The following ST3GAL4 variants were observed in gnomAD, a reference collection of about 807,000 sequenced individuals.
The protein encoded by ST3GAL4 is ST3 beta-galactoside alpha-2,3-sialyltransferase 4.
ST3GAL4 carries 24 observed loss-of-function variants against 42.6 expected under a neutral mutation model. That is an observed-to-expected ratio of 0.56 (90% CI 0.41 to 0.79). The LOEUF is 0.79. Among genes scored for constraint, ST3GAL4 ranks in the 30% least tolerant of loss-of-function variants. The probability of loss-of-function intolerance (pLI) is 0.00; values close to 1 mark genes in which losing one functional copy is unlikely to be tolerated. For synonymous variants in ST3GAL4, 135 were observed against 163.2 expected (o/e 0.83, Z 1.32); for missense variants, 311 against 430.8 (o/e 0.72, Z 2.46).
In ST3GAL4 at chr11:126,407,700, C is replaced by A. The variant is rs1954311284; in HGVS notation, c.341+66C>A. ...ATTTCCTGCCCCCTGCCCGCTCCCCCCACTCCCCACCCCCCCGCTCTGTGA... is the reference window on the plus strand; with the variant it reads ...ATTTCCTGCCCCCTGCCCGCTCCCCACACTCCCCACCCCCCCGCTCTGTGA... On this transcript the variant is annotated intron_variant, in intron 6 of 10. Transcript: ENST00000444328. 4 of 1,459,084 alleles carry A rather than the reference C, an allele frequency of 2.7e-6. No individual in the cohort carries two copies. In the East Asian group the frequency reaches 9.4e-5, roughly 34 times the overall value. The allele number at this position is 1,459,084 out of a possible 1,614,324, so 90.4% of individuals were successfully genotyped here.
Position 126,365,907 on chromosome 11 carries a change from C to T in ST3GAL4, c.-61+10065C>T, listed in dbSNP as rs541254757. On this transcript the variant is annotated intron_variant, in intron 1 of 10. Coordinates refer to ENST00000444328, the MANE Select transcript of ST3GAL4 (RefSeq NM_001254757.2). ...GGGGCAGCAGGCTCTGCAGTACCCT[C>T]GGCCAAATGGCCACAGGCTGCCCTG... is the stretch of plus-strand genomic sequence containing the variant. 2.1e-4 allele frequency among the ~76,000 whole-genome samples: 32 copies of T among 152,272 alleles called. 1 individual carries two copies. In the South Asian group the frequency reaches 3.9e-3, roughly 19 times the overall value.
Position 126,408,313 on chromosome 11 carries a change from C to T in ST3GAL4, c.444C>T (p.Asn148=). The T allele has an allele frequency of 6.2e-7, 1 of 1,614,084 alleles. No homozygotes were observed. The highest frequency in any genetic ancestry group is 8.5e-7 in the Non-Finnish European group (1 of 1,179,954). ...TCCTCCTCCCAACCCCCAGATTGAA[C>T]AATGCCCCAGTGGCTGGCTATGAGG... ...INKYDVVIRL[N]NAPVAGYEGD... Residue 148 remains asparagine, a synonymous_variant, in exon 8 of 11, where the codon AAC becomes AAT. Coordinates refer to ENST00000444328, the MANE Select transcript of ST3GAL4 (RefSeq NM_001254757.2).
chr11:126,395,496 G>C (rs1953709500), intron 1 of ST3GAL4, among the ~76,000 whole-genome samples: 1 of 152,144 alleles, frequency 6.6e-6, no homozygotes, highest in Non-Finnish European at 1.5e-5. Flanking sequence ...GACCTGGTGA[G>C]GCTGGTGTGG....
At chr11:126,402,855 C>T (rs886793539) in intron 1 of ST3GAL4, among the ~76,000 whole-genome samples, 2 of 152,230 alleles carry the variant, frequency 1.3e-5, no homozygotes, top group African/African-American at 4.8e-5. Context: ...ATCTTGGTTC[C>T]TGGCAGAGCA....
chr11:126,401,557 GAAA>G (rs751880802), intron 1 of ST3GAL4, among the ~76,000 whole-genome samples: 1 of 123,874 alleles, frequency 8.1e-6, no homozygotes, highest in South Asian at 2.5e-4. Flanking sequence ...CTCCCTCTCA[GAAA>G]AAAAAAAAGA....
rs1379476775 is a variant in ST3GAL4 at position 126,383,160 on chromosome 11, C to A, written c.-60-22936C>A. 6.6e-6 allele frequency among the ~76,000 whole-genome samples: 1 copy of A among 152,214 alleles called. No homozygotes were observed. The highest frequency in any genetic ancestry group is 2.1e-4 in the South Asian group (1 of 4,836). ...ACTCTCCAGGCCTGCTGGGGACACA[C>A]CTGTGGGGCTCATAGGCGTGGCTGG... is the stretch of plus-strand genomic sequence containing the variant. On this transcript the variant is annotated intron_variant, in intron 1 of 10. Transcript: ENST00000444328. The surrounding 1 kb of genome is among the most constrained non-coding windows in gnomAD (Gnocchi z 4.5).
chr11:126,365,889 C>T (rs1240493899), intron 1 of ST3GAL4, among the ~76,000 whole-genome samples: 1 of 152,166 alleles, frequency 6.6e-6, no homozygotes, highest in African/African-American at 2.4e-5. Context: ...CATGGGGCAG[C>T]AGGCTCTGCA....
rs780341196 is a variant in ST3GAL4 at position 126,406,185 on chromosome 11, G to A, written c.16+14G>A. On this transcript the variant is annotated intron_variant, in intron 2 of 10. Transcript: ENST00000444328. The surrounding 1 kb of genome is among the most constrained non-coding windows in gnomAD (Gnocchi z 5.4). ...TCAGCAAGTCCCGTGAGTGTCATCCGAGGGCTCCCCCACCCTGGAGGACAG... is the reference window on the plus strand; with the variant it reads ...TCAGCAAGTCCCGTGAGTGTCATCCAAGGGCTCCCCCACCCTGGAGGACAG... 1.9e-5 allele frequency: 29 copies of A among 1,557,306 alleles called. No homozygotes were observed. Among genetic ancestry groups the A allele is most frequent in the Admixed American group, 7.7e-5 (4 of 51,978 alleles).
At chr11:126,408,638 G>A (rs1363853712) in intron 8 of ST3GAL4, 142 bp downstream of exon 8, 12 of 954,262 alleles carry the variant, frequency 1.3e-5, no homozygotes, top group Non-Finnish European at 1.7e-5. Context: ...GGAAGTCAGC[G>A]CCTTAGGCTG....
At chr11:126,385,274 C>T (rs930355030) in intron 1 of ST3GAL4, among the ~76,000 whole-genome samples, 5 of 151,988 alleles carry the variant, frequency 3.3e-5, no homozygotes, top group Non-Finnish European at 5.9e-5. Context: ...CCTGCCTCAG[C>T]CTCCCGAGTA....
At chr11:126,385,197 C>T (rs1488688347) in intron 1 of ST3GAL4, among the ~76,000 whole-genome samples, 1 of 151,512 alleles carries the variant, frequency 6.6e-6, no homozygotes, top group Admixed American at 6.6e-5. Context: ...TGCTCTGTTG[C>T]CCAGGCTGGA....
At chr11:126,361,662 C>T (rs1349404523) in intron 1 of ST3GAL4, among the ~76,000 whole-genome samples, 1 of 152,032 alleles carries the variant, frequency 6.6e-6, no homozygotes, top group Non-Finnish European at 1.5e-5. Flanking sequence ...GGGAGGGAAC[C>T]CTGTGCTGGG....
intron 1 of ST3GAL4, among the ~76,000 whole-genome samples, chr11:126,371,403 T>G (rs1439085502): frequency 1.3e-5 from 2 of 151,928 alleles, no homozygotes; most frequent in Non-Finnish European, 2.9e-5. Flanking sequence ...GACCTCATGA[T>G]CCGCCCACCG....
intron 9 of ST3GAL4, 184 bp from the exon 10 acceptor site, chr11:126,413,321 T>A: frequency 1.8e-6 from 1 of 566,756 alleles, no homozygotes; most frequent in Non-Finnish European, 3.0e-6. Context: ...TTTAATAAAA[T>A]AAATTCAGTT....
In ST3GAL4 at chr11:126,406,387, G is replaced by A; in HGVS notation, c.17-86G>A. On this transcript the variant is annotated intron_variant, in intron 2 of 10. Coordinates refer to ENST00000444328, the MANE Select transcript of ST3GAL4 (RefSeq NM_001254757.2). This position sits in a 1 kb window ranked among gnomAD's most constrained non-coding sequence, Gnocchi z 5.4. The stretch of plus-strand genomic sequence containing the variant: ...CTTCTGTTGAGTTAGGGGTCGGAGG[G>A]ACTCAGAAGGGGGCAGGTGGGAAGG... The A allele has an allele frequency of 6.2e-7, 1 of 1,604,766 alleles. No homozygotes were observed. The highest frequency in any genetic ancestry group is 8.5e-7 in the Non-Finnish European group (1 of 1,175,878).
At position 126,366,558 on chromosome 11, in the gene ST3GAL4, C is replaced by T. The variant is rs1480386552; in HGVS notation, c.-61+10716C>T. On this transcript the variant is annotated intron_variant, in intron 1 of 10. Coordinates refer to ENST00000444328, the MANE Select transcript of ST3GAL4 (RefSeq NM_001254757.2). This position sits in a 1 kb window ranked among gnomAD's most constrained non-coding sequence, Gnocchi z 4.2. ...TCTTCATTGAGTCCTCATCTGGGGGCCCTGTTCCACTCTCCTTCCCGTGTG... is the reference window on the plus strand; with the variant it reads ...TCTTCATTGAGTCCTCATCTGGGGGTCCTGTTCCACTCTCCTTCCCGTGTG... Among the ~76,000 whole-genome samples, 1 of 152,156 alleles carries T rather than the reference C, an allele frequency of 6.6e-6. No individual in the cohort carries two copies. The highest frequency in any genetic ancestry group is 1.9e-4 in the East Asian group (1 of 5,186).
At position 126,406,338 on chromosome 11, in the gene ST3GAL4, G is replaced by A. The variant is rs1954228924; in HGVS notation, c.17-135G>A. The A allele has an allele frequency of 1.9e-6, 3 of 1,545,726 alleles. No individual in the cohort carries two copies. In the African/African-American group the frequency reaches 4.1e-5, roughly 21 times the overall value. Reference sequence around the variant, plus strand: ...ACAATCAGGGTCAAGCCCTCAGCCAGGGCCAGGAGAGGGCCAGAGACTGCT... The same window carrying A: ...ACAATCAGGGTCAAGCCCTCAGCCAAGGCCAGGAGAGGGCCAGAGACTGCT... On this transcript the variant is annotated intron_variant, in intron 2 of 10. Coordinates refer to ENST00000444328, the MANE Select transcript of ST3GAL4 (RefSeq NM_001254757.2). This position sits in a 1 kb window ranked among gnomAD's most constrained non-coding sequence, Gnocchi z 5.4.
At chr11:126,375,452 C>T (rs1171752839) in intron 1 of ST3GAL4, among the ~76,000 whole-genome samples, 2 of 152,048 alleles carry the variant, frequency 1.3e-5, no homozygotes, top group Non-Finnish European at 2.9e-5. Context: ...CCAGTCTGCA[C>T]GGGATGGTTT....
intron 1 of ST3GAL4, among the ~76,000 whole-genome samples, chr11:126,387,029 G>A (rs1953251684): frequency 6.6e-6 from 1 of 152,176 alleles, no homozygotes; most frequent in African/African-American, 2.4e-5. Context: ...TACTGTGGCT[G>A]GTGCTCTGCC....
Sources: gnomAD v4.1 joint callset for allele counts (sites outside exome capture counted in the v4.1 genomes callset) on GRCh38, gnomAD v4.1.1 for gene constraint, Gnocchi (gnomAD v3.1) non-coding constraint, MANE v1.5 for transcripts, NCBI Gene and HGNC (gene_info 2026-07-23, HGNC 2026-07-21) for gene names.